Variants in SULF2 observed in about 807,000 individuals in gnomAD.
SULF2 encodes the protein extracellular sulfatase Sulf-2.
A neutral mutation model predicts 107.7 loss-of-function variants in SULF2; 52 were observed. That is an observed-to-expected ratio of 0.48 (90% CI 0.39 to 0.61). The LOEUF (loss-of-function observed/expected upper bound fraction) is 0.61. SULF2 is among the 20% of genes least tolerant of loss of function. The probability of loss-of-function intolerance (pLI) is 0.00; values close to 1 mark genes in which losing one functional copy is unlikely to be tolerated. For synonymous variants in SULF2, 460 were observed against 464.3 expected (o/e 0.99, Z 0.12); for missense variants, 993 against 1,177.3 (o/e 0.84, Z 2.29).
At chr20:47,755,489 T>C (rs1416557668) in intron 2 of SULF2, among the ~76,000 whole-genome samples, 1 of 152,230 alleles carries the variant, frequency 6.6e-6, no homozygotes, top group African/African-American at 2.4e-5. Context: ...GCCACTCACC[T>C]GTTGATTCGG....
chr20:47,754,051 G>C (rs1338681938), intron 2 of SULF2, among the ~76,000 whole-genome samples: 2 of 152,192 alleles, frequency 1.3e-5, no homozygotes, highest in African/African-American at 4.8e-5. Context: ...CTGGGCATTT[G>C]ATAATTCCAA....
chr20:47,750,188 G>T (rs961641297), intron 2 of SULF2, among the ~76,000 whole-genome samples: 1 of 152,148 alleles, frequency 6.6e-6, no homozygotes, highest in African/African-American at 2.4e-5. Flanking sequence ...CACTATGTTG[G>T]CCAGGATGGT....
intron 18 of SULF2, 49 bp from the exon 19 acceptor site, chr20:47,659,779 A>T: frequency 6.8e-7 from 1 of 1,464,258 alleles, no homozygotes; most frequent in Non-Finnish European, 9.5e-7. Context: ...TAGTTTAGGC[A>T]AAACAACCCC....
chr20:47,728,700 T>C (rs976908002), intron 3 of SULF2, among the ~76,000 whole-genome samples: 3 of 152,146 alleles, frequency 2.0e-5, no homozygotes, highest in Non-Finnish European at 2.9e-5. Context: ...CGACAGAGTG[T>C]AGTGGTGTGA....
rs1300085436 is a variant in SULF2, at chr20:47,736,770, G to A, written c.348C>T (p.Pro116=). 6.2e-7 allele frequency: 1 copy of A among 1,614,150 alleles called. No homozygotes were observed. Among genetic ancestry groups the A allele is most frequent in the African/African-American group, 1.3e-5 (1 of 74,954 alleles). ...TYTNNENCSS[P]SWQAQHESRT... The stretch of plus-strand genomic sequence containing the variant: ...GGCTCTCGTGCTGTGCCTGCCAGGA[G>A]GGCGAGGAGCAGTTCTCATTGTTGG... The change falls in exon 3 of 21, where the codon CCC becomes CCT. Residue 116 remains proline, a synonymous_variant. Coordinates refer to ENST00000688720, the MANE Select transcript of SULF2 (RefSeq NM_001387048.1).
chr20:47,757,381 C>A lies in SULF2; in HGVS notation c.-18G>T. On this transcript the variant is annotated 5_prime_UTR_variant, in exon 2 of 21. Coordinates refer to ENST00000688720, the MANE Select transcript of SULF2 (RefSeq NM_001387048.1). The stretch of plus-strand genomic sequence containing the variant: ...GGGCCCATCTTCTTTTTTTGCTGAT[C>A]TGGTGCTTCTTTTGGGATGCGGGAG... The A allele has an allele frequency of 6.4e-7, 1 of 1,563,482 alleles. No homozygotes were observed.
rs562922266 is a variant in SULF2 at position 47,779,124 on chromosome 20, T to C, written c.-101+6219A>G. Among the ~76,000 whole-genome samples the C allele has an allele frequency of 7.9e-5, 12 of 152,302 alleles. No individual in the cohort carries two copies. In the South Asian group the frequency reaches 2.3e-3, roughly 29 times the overall value. ...AGCAATCACCACGCACCAGGCTGCC[T>C]AGTCACCTTTGACTCCTTGGCAGGA... On this transcript the variant is annotated intron_variant, in intron 1 of 20. Transcript: ENST00000688720.
intron 3 of SULF2, among the ~76,000 whole-genome samples, chr20:47,727,766 GGA>G (rs1269652623): frequency 6.6e-6 from 1 of 152,190 alleles, no homozygotes; most frequent in Non-Finnish European, 1.5e-5. Flanking sequence ...CTGCACAGAT[GGA>G]GAGACTGACG....
rs6090727 is a variant in SULF2, at chr20:47,761,850, G to A, written c.-100-4387C>T. On this transcript the variant is annotated intron_variant, in intron 1 of 20. Coordinates refer to ENST00000688720, the MANE Select transcript of SULF2 (RefSeq NM_001387048.1). ...CCCAAATCTCATCTTGACTTGTAGC[G>A]CCCATAATTCCCACGTGTTGTGGGA... 8.5e-3 allele frequency among the ~76,000 whole-genome samples: 1,299 copies of A among 152,300 alleles called. 26 individuals carry two copies. The highest frequency in any genetic ancestry group is 0.029 in the African/African-American group (1,214 of 41,558).
chr20:47,684,625 C>G (rs2087938464), intron 5 of SULF2, 44 bp from the exon 6 acceptor site: 2 of 1,593,940 alleles, frequency 1.3e-6, no homozygotes, highest in South Asian at 2.3e-5. Flanking sequence ...CAGGGACAGC[C>G]TGGACCCTGC....
At chr20:47,687,993 G>T (rs2088069110) in intron 5 of SULF2, among the ~76,000 whole-genome samples, 1 of 152,104 alleles carries the variant, frequency 6.6e-6, no homozygotes, top group African/African-American at 2.4e-5. Context: ...GCATGTCTTT[G>T]TGTGTGTCTG....
At chr20:47,749,464 C>T (rs2090115806) in intron 2 of SULF2, among the ~76,000 whole-genome samples, 2 of 152,228 alleles carry the variant, frequency 1.3e-5, no homozygotes, top group Admixed American at 6.5e-5. Flanking sequence ...TGTTTTTTCT[C>T]CTCTAGTGAT....
At chr20:47,720,633 T>C (rs2089267235) in intron 3 of SULF2, among the ~76,000 whole-genome samples, 1 of 152,058 alleles carries the variant, frequency 6.6e-6, no homozygotes, top group Non-Finnish European at 1.5e-5. Flanking sequence ...CTTGTAACTC[T>C]GACAGAAATT....
At chr20:47,716,288 T>C (rs529817384) in intron 3 of SULF2, among the ~76,000 whole-genome samples, 2 of 152,238 alleles carry the variant, frequency 1.3e-5, no homozygotes, top group Non-Finnish European at 2.9e-5. Flanking sequence ...TGATGACTTA[T>C]GTGGTCAGGA....
At chr20:47,667,782 G>A (rs955739075) in intron 11 of SULF2, among the ~76,000 whole-genome samples, 8 of 152,176 alleles carry the variant, frequency 5.3e-5, no homozygotes, top group African/African-American at 1.4e-4. Context: ...AAGTGACCCC[G>A]AGATGGTGAC....
chr20:47,690,442 C>T, intron 4 of SULF2, 147 bp from the exon 5 acceptor site: 1 of 498,444 alleles, frequency 2.0e-6, no homozygotes, highest in Non-Finnish European at 3.2e-6. Flanking sequence ...GTCTAGGGAG[C>T]AGACAGACAA....
In SULF2 at chr20:47,742,932, T is replaced by A. The variant is rs1250875139; in HGVS notation, c.176-5990A>T. ...GTTTCAGGATTCAAAACATGATTTT[T>A]TTTTTTTTTTTTTTTTTTTTTTTTT... On this transcript the variant is annotated intron_variant, in intron 2 of 20. Coordinates refer to ENST00000688720, the MANE Select transcript of SULF2 (RefSeq NM_001387048.1). Among the ~76,000 whole-genome samples the A allele has an allele frequency of 1.6e-4, 8 of 49,478 alleles. No individual in the cohort carries two copies. The East Asian group carries it at 5.0e-3, about 31-fold the overall frequency. 32.5% of individuals were successfully genotyped at this position (49,478 alleles called of 152,430 possible). A position where few individuals can be genotyped will look rare whatever the true frequency, so the allele number is the denominator to read the frequency against.
Position 47,676,477 on chromosome 20 carries a change from G to A in SULF2, c.1380+17C>T. On this transcript the variant is annotated intron_variant, in intron 10 of 20. Transcript: ENST00000688720. Reference sequence around the variant, plus strand: ...GTCAGGAGGGGGAGCCGTTGGGAGGGAAGGGAGCCTTCTTACCTGTCCCAG... The same window carrying A: ...GTCAGGAGGGGGAGCCGTTGGGAGGAAAGGGAGCCTTCTTACCTGTCCCAG... 6.2e-7 allele frequency: 1 copy of A among 1,604,890 alleles called. No individual in the cohort carries two copies.
At chr20:47,746,982 TAAA>T (rs61191776) in intron 2 of SULF2, among the ~76,000 whole-genome samples, 19,691 of 120,796 alleles carry the variant, frequency 0.16, 1,731 homozygotes, top group East Asian at 0.41. Context: ...CTTAAATAAA[TAAA>T]AAAAAAAAAA....
Sources: gnomAD v4.1 joint callset for allele counts (sites outside exome capture counted in the v4.1 genomes callset) on GRCh38, gnomAD v4.1.1 for gene constraint, MANE v1.5 for transcripts, NCBI Gene and HGNC (gene_info 2026-07-23, HGNC 2026-07-21) for gene names.